Variants in FLT1 observed in about 807,000 individuals in gnomAD.
FLT1 encodes fms related receptor tyrosine kinase 1.
A neutral mutation model predicts 156.3 loss-of-function variants in FLT1; 49 were observed. That is an observed-to-expected ratio of 0.31 (90% CI 0.25 to 0.40). The LOEUF (loss-of-function observed/expected upper bound fraction) is 0.40, where lower values mean the gene tolerates loss of function less well. Among genes scored for constraint, FLT1 ranks in the 10% least tolerant of loss-of-function variants. The pLI is 1.00. For synonymous variants in FLT1, 594 were observed against 583.8 expected (o/e 1.02, Z -0.25); for missense variants, 1,322 against 1,637.2 (o/e 0.81, Z 3.32).
chr13:28,486,524 T>C (rs546741629), intron 1 of FLT1, among the ~76,000 whole-genome samples: 2 of 152,326 alleles, frequency 1.3e-5, no homozygotes, highest in Admixed American at 6.5e-5. Context: ...GCCAATAGTA[T>C]GGTGTTTGCC....
intron 10 of FLT1, among the ~76,000 whole-genome samples, chr13:28,415,976 G>A (rs1056135368): frequency 2.6e-5 from 4 of 152,194 alleles, no homozygotes; most frequent in Non-Finnish European, 5.9e-5. Context: ...CCACTTCAGA[G>A]GGAAGTGGCT....
At chr13:28,394,525 C>T (rs560674734) in intron 12 of FLT1, among the ~76,000 whole-genome samples, 10 of 152,166 alleles carry the variant, frequency 6.6e-5, no homozygotes, top group South Asian at 6.2e-4. Context: ...TATGATGCAG[C>T]GATGAGACTC....
At chr13:28,314,215 T>C (rs1187703171) in intron 25 of FLT1, among the ~76,000 whole-genome samples, 1 of 152,170 alleles carries the variant, frequency 6.6e-6, no homozygotes, top group Non-Finnish European at 1.5e-5. Flanking sequence ...AGGATCAAGC[T>C]GCTGTCTGGG....
Position 28,357,573 on chromosome 13 carries a change from T to C in FLT1, c.2229A>G (p.Ser743=), listed in dbSNP as rs373678677. The stretch of plus-strand genomic sequence containing the variant: ...GTTTACCTTGAACAGTGAGGTATGC[T>C]GAACTTTCCACAGAGCCCTTCTGGT... ...ATNQKGSVES[S]AYLTVQGTSD... Residue 743 remains serine, a synonymous_variant, in exon 15 of 30, where the codon TCA becomes TCG. Coordinates refer to ENST00000282397, the MANE Select transcript of FLT1 (RefSeq NM_002019.4). 1 of 1,614,064 alleles carries C rather than the reference T, an allele frequency of 6.2e-7. No individual in the cohort carries two copies. The highest frequency in any genetic ancestry group is 1.3e-5 in the African/African-American group (1 of 74,944).
chr13:28,401,219 T>C (rs918740076), intron 11 of FLT1, among the ~76,000 whole-genome samples: 16 of 152,074 alleles, frequency 1.1e-4, no homozygotes, highest in African/African-American at 3.6e-4. Flanking sequence ...ATAAATAAAA[T>C]TAGACTATCA....
chr13:28,397,186 G>T, intron 11 of FLT1, 118 bp from the exon 12 acceptor site: 1 of 699,906 alleles, frequency 1.4e-6, no homozygotes, highest in Non-Finnish European at 2.6e-6. Context: ...AGAGAGTATT[G>T]CATAGGTGGT....
At chr13:28,421,121 T>C (rs576338550) in intron 10 of FLT1, among the ~76,000 whole-genome samples, 1 of 152,100 alleles carries the variant, frequency 6.6e-6, no homozygotes, top group Non-Finnish European at 1.5e-5. Flanking sequence ...GTTTCAGACA[T>C]GAGATGTCAC....
rs571431115 is a variant in FLT1 at position 28,406,807 on chromosome 13, A to G, written c.1437-913T>C. ...AGGCTAAGTGAAATTTTCAAGCTTC[A>G]TTTCCAGAAAAAAATGAGTGGTTCA... is the stretch of plus-strand genomic sequence containing the variant. On this transcript the variant is annotated intron_variant, in intron 10 of 29. Coordinates refer to ENST00000282397, the MANE Select transcript of FLT1 (RefSeq NM_002019.4). Among the ~76,000 whole-genome samples the G allele has an allele frequency of 3.3e-5, 5 of 152,286 alleles. No individual in the cohort carries two copies. The East Asian group carries it at 9.6e-4, about 29-fold the overall frequency.
At chr13:28,307,105 G>T (rs77982150) in intron 28 of FLT1, among the ~76,000 whole-genome samples, 483 of 152,340 alleles carry the variant, frequency 3.2e-3, no homozygotes, top group Non-Finnish European at 5.5e-3. Context: ...TAATTTGGCA[G>T]ATCACGATTG....
rs187419663 is a variant in FLT1 at position 28,391,889 on chromosome 13, A to G, written c.1661-1785T>C. Among the ~76,000 whole-genome samples, 537 of 146,110 alleles carry G rather than the reference A, an allele frequency of 3.7e-3. 6 individuals carry two copies. Among genetic ancestry groups the G allele is most frequent in the African/African-American group, 0.014 (508 of 35,740 alleles). On this transcript the variant is annotated intron_variant, in intron 12 of 29. Coordinates refer to ENST00000282397, the MANE Select transcript of FLT1 (RefSeq NM_002019.4). ...CCGGCCCTGAACTGACCCGCTCTCAAAACCTTCCCATTGCTTATTACTAGT... is the reference window on the plus strand; with the variant it reads ...CCGGCCCTGAACTGACCCGCTCTCAGAACCTTCCCATTGCTTATTACTAGT...
At chr13:28,384,630 G>T (rs191971471) in intron 14 of FLT1, among the ~76,000 whole-genome samples, 1 of 152,188 alleles carries the variant, frequency 6.6e-6, no homozygotes, top group East Asian at 1.9e-4. Context: ...ATTTCTTTCT[G>T]AATGCACTAT....
intron 18 of FLT1, among the ~76,000 whole-genome samples, chr13:28,332,519 A>G (rs1307189565): frequency 6.6e-6 from 1 of 152,134 alleles, no homozygotes; most frequent in Non-Finnish European, 1.5e-5. Context: ...TGCCTCCATA[A>G]ACTAGGCCAG....
chr13:28,494,956 C>T lies in FLT1; in HGVS notation c.-113G>A, dbSNP rs1049014036. The T allele has an allele frequency of 1.3e-6, 1 of 760,214 alleles. No individual in the cohort carries two copies. Among genetic ancestry groups the T allele is most frequent in the Non-Finnish European group, 2.0e-6 (1 of 512,528 alleles). 47.1% of individuals were successfully genotyped at this position (760,214 alleles called of 1,614,324 possible). A position where few individuals can be genotyped will look rare whatever the true frequency, so the allele number is the denominator to read the frequency against. Reference sequence around the variant, plus strand: ...CCGCCGGCCCCGCGCCCTGAGCGCCCGTCTCGCGGCTCCAGCCAGGAGACA... The same window carrying T: ...CCGCCGGCCCCGCGCCCTGAGCGCCTGTCTCGCGGCTCCAGCCAGGAGACA... On this transcript the variant is annotated 5_prime_UTR_variant, in exon 1 of 30. Coordinates refer to ENST00000282397, the MANE Select transcript of FLT1 (RefSeq NM_002019.4).
intron 15 of FLT1, among the ~76,000 whole-genome samples, chr13:28,350,300 T>C (rs1011844756): frequency 5.9e-5 from 9 of 151,978 alleles, no homozygotes; most frequent in Non-Finnish European, 1.3e-4. Context: ...ATTTGAAGAG[T>C]GTATGTTAAC....
At chr13:28,416,540 C>G (rs1389610536) in intron 10 of FLT1, among the ~76,000 whole-genome samples, 1 of 152,244 alleles carries the variant, frequency 6.6e-6, no homozygotes, top group Admixed American at 6.5e-5. Context: ...TACTCAAACT[C>G]TCTACCTGAT....
chr13:28,475,041 T>C (rs747863477), intron 1 of FLT1, among the ~76,000 whole-genome samples: 1 of 152,244 alleles, frequency 6.6e-6, no homozygotes, highest in Non-Finnish European at 1.5e-5. Context: ...AGGCTGATTT[T>C]AGAGACCTAA....
At chr13:28,361,154 C>T (rs898949447) in intron 14 of FLT1, among the ~76,000 whole-genome samples, 5 of 151,988 alleles carry the variant, frequency 3.3e-5, no homozygotes, top group African/African-American at 1.2e-4. Flanking sequence ...TGGCTCATGC[C>T]GGTAGTCCCA....
rs74661007 is a variant in FLT1, at chr13:28,424,660, C to T, written c.1436+2499G>A. Among the ~76,000 whole-genome samples the T allele has an allele frequency of 5.1e-3, 780 of 152,244 alleles. 5 individuals are homozygous for T. Among genetic ancestry groups the T allele is most frequent in the African/African-American group, 0.018 (739 of 41,532 alleles). On this transcript the variant is annotated intron_variant, in intron 10 of 29. Coordinates refer to ENST00000282397, the MANE Select transcript of FLT1 (RefSeq NM_002019.4). ...AAGTACATTCTGTCCTCAAACTAAG[C>T]GAATGCTTTGGCCGTGGATATACAT...
intron 3 of FLT1, among the ~76,000 whole-genome samples, chr13:28,466,220 T>C (rs1000873686): frequency 6.6e-6 from 1 of 152,224 alleles, no homozygotes; most frequent in African/African-American, 2.4e-5. Flanking sequence ...TTCTCCCCTT[T>C]GAATGTTACT....
Sources: gnomAD v4.1 joint callset for allele counts (sites outside exome capture counted in the v4.1 genomes callset) on GRCh38, gnomAD v4.1.1 for gene constraint, MANE v1.5 for transcripts, NCBI Gene and HGNC (gene_info 2026-07-23, HGNC 2026-07-21) for gene names.